The following RORA variants were observed in gnomAD, a reference collection of about 807,000 sequenced individuals.
RORA encodes RAR related orphan receptor A.
A neutral mutation model predicts 69.5 loss-of-function variants in RORA; 7 were observed. That is an observed-to-expected ratio of 0.10 (90% CI 0.06 to 0.19). The LOEUF (loss-of-function observed/expected upper bound fraction) is 0.19. Ranked by LOEUF, RORA falls within the 10% of genes least tolerant of loss-of-function variation. The pLI is 1.00. For missense variants in RORA, 457 were observed against 663.0 expected (o/e 0.69, Z 3.41); for synonymous variants, 261 against 240.8 (o/e 1.08, Z -0.78).
chr15:60,832,933 C>T (rs1475843431), intron 1 of RORA, among the ~76,000 whole-genome samples: 1 of 151,988 alleles, frequency 6.6e-6, no homozygotes, highest in African/African-American at 2.4e-5. Context: ...GAGACGGAGT[C>T]TCACTGTGTC....
intron 2 of RORA, among the ~76,000 whole-genome samples, chr15:60,577,526 G>A (rs1351452719): frequency 6.6e-6 from 1 of 151,652 alleles, no homozygotes; most frequent in Admixed American, 6.6e-5. Flanking sequence ...TGTCTGTAAT[G>A]TCAGCTACTC....
At chr15:60,920,206 T>C (rs1270750658) in intron 1 of RORA, among the ~76,000 whole-genome samples, 1 of 152,230 alleles carries the variant, frequency 6.6e-6, no homozygotes, top group Non-Finnish European at 1.5e-5. Flanking sequence ...TCTATGTATC[T>C]ATCTATATAT....
At chr15:60,695,949 C>T (rs895436990) in intron 1 of RORA, among the ~76,000 whole-genome samples, 7 of 151,794 alleles carry the variant, frequency 4.6e-5, no homozygotes, top group Admixed American at 3.9e-4. Context: ...GCACTGTTCC[C>T]GCGACCACCA....
At chr15:61,181,119 A>AAAAAATC (rs1399045269) in intron 1 of RORA, 2 of 152,046 alleles carry the variant, frequency 1.3e-5, no homozygotes, top group African/African-American at 4.8e-5. Context: ...AAAAAAAAAA[A>AAAAAATC]AAAAATCTAG....
chr15:60,967,987 C>T (rs765304698), intron 1 of RORA, among the ~76,000 whole-genome samples: 13 of 152,192 alleles, frequency 8.5e-5, no homozygotes, highest in Admixed American at 2.0e-4. Flanking sequence ...CTCTTAAGGG[C>T]ATGCAAATGA....
At chr15:61,136,364 G>A (rs1567006052) in intron 1 of RORA, among the ~76,000 whole-genome samples, 1 of 152,126 alleles carries the variant, frequency 6.6e-6, no homozygotes, top group Non-Finnish European at 1.5e-5. Flanking sequence ...GCTAGAGTTG[G>A]GTCCATTTTA....
intron 1 of RORA, among the ~76,000 whole-genome samples, chr15:60,836,592 T>C (rs1157910789): frequency 6.6e-6 from 1 of 152,168 alleles, no homozygotes; most frequent in African/African-American, 2.4e-5. Flanking sequence ...GATGGCTCCC[T>C]GAACACTTCC....
chr15:60,579,744 AAT>A (rs1396565238), intron 2 of RORA, among the ~76,000 whole-genome samples: 1 of 152,172 alleles, frequency 6.6e-6, no homozygotes, highest in Non-Finnish European at 1.5e-5. Flanking sequence ...TGGTTGTCCT[AAT>A]TCAGCCCCAT....
intron 2 of RORA, among the ~76,000 whole-genome samples, chr15:60,580,611 C>A (rs752640206): frequency 6.6e-6 from 1 of 152,160 alleles, no homozygotes; most frequent in Non-Finnish European, 1.5e-5. Context: ...GCAATTATGG[C>A]GTTCATTTGC....
At chr15:60,879,023 T>C (rs1315216638) in intron 1 of RORA, among the ~76,000 whole-genome samples, 1 of 152,230 alleles carries the variant, frequency 6.6e-6, no homozygotes, top group Admixed American at 6.5e-5. Flanking sequence ...ATGACCTTTC[T>C]ACTTCTTGGA....
In RORA at chr15:60,993,644, C is replaced by CAAAA. The variant is rs3053932; in HGVS notation, c.166+235405_166+235408dup. ...GGTGACAGAGCAAGACTCTCCATCT[C>CAAAA]AAAAAAAAAAAAAAAAAAAAAAGAC... is the stretch of plus-strand genomic sequence containing the variant. On this transcript the variant is annotated intron_variant, in intron 1 of 10. Coordinates refer to ENST00000335670, the MANE Select transcript of RORA (RefSeq NM_134261.3). Among the ~76,000 whole-genome samples, 121 of 83,018 alleles carry CAAAA rather than the reference C, an allele frequency of 1.5e-3. 4 individuals carry two copies. Among genetic ancestry groups the CAAAA allele is most frequent in the Non-Finnish European group, 1.9e-3 (85 of 45,752 alleles). 54.5% of individuals were successfully genotyped at this position (83,018 alleles called of 152,430 possible). A position where few individuals can be genotyped will look rare whatever the true frequency, so the allele number is the denominator to read the frequency against.
At chr15:60,540,574 C>CCCCCCCCCCCCCCCCCCCG (rs1555428642) in intron 2 of RORA, among the ~76,000 whole-genome samples, 2 of 102,644 alleles carry the variant, frequency 1.9e-5, no homozygotes, top group Non-Finnish European at 1.9e-5. Context: ...ACCCCCCCCC[C>CCCCCCCCCCCCCCCCCCCG]CCAAAACTGT....
At chr15:60,834,219 C>T (rs1358771683) in intron 1 of RORA, among the ~76,000 whole-genome samples, 2 of 152,236 alleles carry the variant, frequency 1.3e-5, no homozygotes, top group African/African-American at 4.8e-5. Flanking sequence ...ACATGTCAAA[C>T]TGAGGTCTCA....
chr15:60,649,834 C>T (rs2070113456), intron 2 of RORA, among the ~76,000 whole-genome samples: 1 of 152,176 alleles, frequency 6.6e-6, no homozygotes, highest in South Asian at 2.1e-4. Flanking sequence ...AGCAAACTCA[C>T]CTTAACTTGG....
At chr15:60,655,944 T>A (rs529369190) in intron 2 of RORA, among the ~76,000 whole-genome samples, 2 of 152,346 alleles carry the variant, frequency 1.3e-5, no homozygotes, top group Non-Finnish European at 1.5e-5. Context: ...ATTTAACACT[T>A]AGTGATTATA....
chr15:60,632,713 A>G (rs575326347), intron 2 of RORA, among the ~76,000 whole-genome samples: 5 of 152,164 alleles, frequency 3.3e-5, no homozygotes, highest in African/African-American at 4.8e-5. Flanking sequence ...CGGGTGTCCT[A>G]CTTATCATTA....
chr15:60,560,553 G>A (rs1567087534), intron 2 of RORA, among the ~76,000 whole-genome samples: 1 of 152,188 alleles, frequency 6.6e-6, no homozygotes, highest in Admixed American at 6.5e-5. Context: ...GCCGAGTGTG[G>A]TGGTGCCAGT....
At chr15:60,587,326 G>A (rs1211667494) in intron 2 of RORA, among the ~76,000 whole-genome samples, 1 of 152,132 alleles carries the variant, frequency 6.6e-6, no homozygotes, top group African/African-American at 2.4e-5. Flanking sequence ...AAAGATATTA[G>A]GCTCAGCAAA....
chr15:61,010,396 C>T (rs1335604418), intron 1 of RORA, among the ~76,000 whole-genome samples: 1 of 152,168 alleles, frequency 6.6e-6, no homozygotes, highest in East Asian at 1.9e-4. Flanking sequence ...GGTCCATATC[C>T]TAGACCCTAT....
Sources: gnomAD v4.1 joint callset for allele counts (sites outside exome capture counted in the v4.1 genomes callset) on GRCh38, gnomAD v4.1.1 for gene constraint, MANE v1.5 for transcripts, NCBI Gene and HGNC (gene_info 2026-07-23, HGNC 2026-07-21) for gene names.